Variants in PPP1R1C observed in about 807,000 individuals in gnomAD.
PPP1R1C encodes the protein protein phosphatase 1 regulatory subunit 1C.
A neutral mutation model predicts 17.4 loss-of-function variants in PPP1R1C; 15 were observed. That is an observed-to-expected ratio of 0.86 (90% CI 0.58 to 1.33). The LOEUF is 1.33. Among genes scored for constraint, PPP1R1C ranks in the 40% most tolerant of loss-of-function variants. The pLI, the probability that PPP1R1C is intolerant of heterozygous loss-of-function variation, is 0.00. For synonymous variants in PPP1R1C, 35 were observed against 43.1 expected (o/e 0.81, Z 0.73); for missense variants, 143 against 130.0 (o/e 1.10, Z -0.48).
intron 4 of PPP1R1C, among the ~76,000 whole-genome samples, chr2:182,075,012 A>G (rs1688252583): frequency 6.6e-6 from 1 of 152,230 alleles, no homozygotes; most frequent in African/African-American, 2.4e-5. Flanking sequence ...ACCAAGCAGG[A>G]TAAGAATGTT....
intron 2 of PPP1R1C, among the ~76,000 whole-genome samples, chr2:182,012,547 A>T (rs1013349504): frequency 3.3e-5 from 5 of 151,606 alleles, no homozygotes; most frequent in South Asian, 2.1e-4. Context: ...GGGTCTTTTT[A>T]AAAAAAACCT....
upstream of PPP1R1C, among the ~76,000 whole-genome samples, chr2:181,982,647 T>C (rs1228073563): frequency 6.6e-6 from 1 of 152,126 alleles, no homozygotes; most frequent in East Asian, 1.9e-4. Context: ...AGAATGAATA[T>C]AATTTGGGTT....
exon 6 of PPP1R1C, chr2:182,129,403 C>G (rs927560483): frequency 6.6e-6 from 1 of 151,906 alleles, no homozygotes. Flanking sequence ...TTATTTATTG[C>G]CTTGTTTCTT....
chr2:182,039,851 T>C (rs192573125), intron 2 of PPP1R1C, among the ~76,000 whole-genome samples: 12 of 152,344 alleles, frequency 7.9e-5, no homozygotes, highest in Admixed American at 7.8e-4. Flanking sequence ...TTTCACTCTG[T>C]ATGTCTTTGT....
chr2:182,109,591 G>C (rs1689358014), intron 4 of PPP1R1C, among the ~76,000 whole-genome samples: 1 of 152,128 alleles, frequency 6.6e-6, no homozygotes, highest in South Asian at 2.1e-4. Context: ...GTTCCCGTTT[G>C]TTGGAAAGAC....
At chr2:182,047,327 A>G (rs1466067451) in intron 2 of PPP1R1C, among the ~76,000 whole-genome samples, 1 of 152,230 alleles carries the variant, frequency 6.6e-6, no homozygotes, top group Non-Finnish European at 1.5e-5. Flanking sequence ...ACATAAAAAT[A>G]TATTATTGGA....
intron 5 of PPP1R1C, among the ~76,000 whole-genome samples, chr2:182,124,927 T>C (rs1440588379): frequency 1.3e-5 from 2 of 152,146 alleles, no homozygotes; most frequent in East Asian, 3.9e-4. Context: ...CTTCCAATAC[T>C]ATGTTGAATA....
rs1438813283 is a variant in PPP1R1C, at chr2:181,992,535, T to C, written c.142+4636T>C. Reference sequence around the variant, plus strand: ...TACCGTTAAGCAGAGACAATATGGTTACAGTTATATTTAATGGACCTGACG... The same window carrying C: ...TACCGTTAAGCAGAGACAATATGGTCACAGTTATATTTAATGGACCTGACG... On this transcript the variant is annotated intron_variant, in intron 2 of 4. Transcript: ENST00000682840. Among the ~76,000 whole-genome samples the C allele has an allele frequency of 1.5e-5, 2 of 133,868 alleles. 1 individual carries two copies. The highest frequency in any genetic ancestry group is 3.3e-5 in the Non-Finnish European group (2 of 59,880). The allele number at this position is 133,868 out of a possible 152,430, so 87.8% of individuals were successfully genotyped here. A position where few individuals can be genotyped will look rare whatever the true frequency, so the allele number is the denominator to read the frequency against.
At chr2:182,064,016 C>T (rs1213215113) in intron 4 of PPP1R1C, 1 of 447,332 alleles carries the variant, frequency 2.2e-6, no homozygotes, top group Non-Finnish European at 4.0e-6. Flanking sequence ...GAATTTCAGT[C>T]TAGAAATTCA....
intron 2 of PPP1R1C, among the ~76,000 whole-genome samples, chr2:182,013,075 T>TTACAGG (rs1686141842): frequency 6.6e-6 from 1 of 152,134 alleles, no homozygotes; most frequent in Non-Finnish European, 1.5e-5. Context: ...ATAGTTACAG[T>TTACAGG]GTCATAATAT....
At chr2:182,032,097 A>C (rs537859768) in intron 2 of PPP1R1C, among the ~76,000 whole-genome samples, 1 of 152,334 alleles carries the variant, frequency 6.6e-6, no homozygotes, top group South Asian at 2.1e-4. Context: ...GGTTACAGTG[A>C]TGTAATACAC....
At chr2:182,046,459 G>T (rs1247646404) in intron 2 of PPP1R1C, among the ~76,000 whole-genome samples, 1 of 151,948 alleles carries the variant, frequency 6.6e-6, no homozygotes. Flanking sequence ...AAGGCGAAGT[G>T]GCTCATGCCT....
At chr2:182,092,642 G>T (rs979192811) in intron 4 of PPP1R1C, among the ~76,000 whole-genome samples, 4 of 152,136 alleles carry the variant, frequency 2.6e-5, no homozygotes, top group African/African-American at 7.2e-5. Context: ...TACAGGCATT[G>T]GTAAATACAG....
intron 2 of PPP1R1C, among the ~76,000 whole-genome samples, chr2:182,021,171 G>T (rs16822352): frequency 6.6e-6 from 1 of 152,106 alleles, no homozygotes; most frequent in South Asian, 2.1e-4. Context: ...GCAGAATCTA[G>T]ATTGTTGTCT....
intron 2 of PPP1R1C, among the ~76,000 whole-genome samples, chr2:182,020,670 CCT>C (rs1294061726): frequency 6.6e-6 from 1 of 152,082 alleles, no homozygotes; most frequent in African/African-American, 2.4e-5. Context: ...GTATCCTGAT[CCT>C]CTCTTTCCCC....
chr2:182,126,360 A>G (rs1487963885), intron 5 of PPP1R1C, among the ~76,000 whole-genome samples: 1 of 152,074 alleles, frequency 6.6e-6, no homozygotes, highest in African/African-American at 2.4e-5. Context: ...CAGTGATTCC[A>G]AAAACCAGTC....
At chr2:182,011,381 A>G (rs1686085228) in intron 2 of PPP1R1C, among the ~76,000 whole-genome samples, 1 of 152,056 alleles carries the variant, frequency 6.6e-6, no homozygotes, top group South Asian at 2.1e-4. Context: ...CATTTCTTCA[A>G]GGTTTTCAAA....
chr2:182,092,250 A>G (rs944104128), intron 4 of PPP1R1C, among the ~76,000 whole-genome samples: 9 of 151,942 alleles, frequency 5.9e-5, no homozygotes, highest in African/African-American at 1.9e-4. Flanking sequence ...GTGCAGAGAA[A>G]CTCCCATTTT....
chr2:181,961,344 G>T lies in PPP1R1C; in HGVS notation n.111+6710G>T. The T allele has an allele frequency of 1.4e-6, 1 of 718,824 alleles. No individual in the cohort carries two copies. Among genetic ancestry groups the T allele is most frequent in the Middle Eastern group, 3.7e-4 (1 of 2,726 alleles). 44.5% of individuals were successfully genotyped at this position (718,824 alleles called of 1,614,324 possible). ...CATCATCATCAAGCAGGCGGTGGTA[G>T]GTGGCGCTCTCAGCCTCCAGCTTGA... On this transcript the variant is annotated intron_variant and non_coding_transcript_variant, in intron 1 of 5. Transcript: ENST00000464264. This position sits in a 1 kb window ranked among gnomAD's most constrained non-coding sequence, Gnocchi z 5.8.
Sources: gnomAD v4.1 joint callset for allele counts (sites outside exome capture counted in the v4.1 genomes callset) on GRCh38, gnomAD v4.1.1 for gene constraint, Gnocchi (gnomAD v3.1) non-coding constraint, MANE v1.5 for transcripts, NCBI Gene and HGNC (gene_info 2026-07-23, HGNC 2026-07-21) for gene names.